SAMD5: variants seen among roughly 807,000 people sequenced by gnomAD.
SAMD5 encodes the protein sterile alpha motif domain containing 5.
In SAMD5, 13 loss-of-function variants were observed where a neutral mutation model predicts 11.3. That is an observed-to-expected ratio of 1.15 (90% CI 0.75 to 1.83). The LOEUF is 1.83. SAMD5 is among the 40% of genes most tolerant of loss of function. The pLI is 0.00. For synonymous variants in SAMD5, 129 were observed against 111.3 expected (o/e 1.16, Z -1.00); for missense variants, 255 against 239.1 (o/e 1.07, Z -0.44).
intron 1 of SAMD5, among the ~76,000 whole-genome samples, chr6:147,723,802 T>G (rs1223558069): frequency 1.3e-5 from 2 of 152,230 alleles, no homozygotes; most frequent in Non-Finnish European, 2.9e-5. Context: ...TCAACTCACT[T>G]GGTTGCCTTG....
chr6:147,946,687 T>G, the SAMD5 span, among the ~76,000 whole-genome samples: 1 of 152,222 alleles, frequency 6.6e-6, no homozygotes, highest in Non-Finnish European at 1.5e-5. Context: ...GTGCACAGTT[T>G]CTGCGCTATT....
the SAMD5 span, among the ~76,000 whole-genome samples, chr6:147,768,855 A>T: frequency 1.3e-5 from 2 of 152,040 alleles, no homozygotes; most frequent in African/African-American, 2.4e-5. Context: ...GTGCAGTGGC[A>T]CCATCTCAGC....
At chr6:147,517,921 T>C (rs1788196865) in intron 1 of SAMD5, among the ~76,000 whole-genome samples, 2 of 152,214 alleles carry the variant, frequency 1.3e-5, no homozygotes, top group South Asian at 4.2e-4. Flanking sequence ...GATTTTATGA[T>C]ACTTATACTC....
the SAMD5 span, among the ~76,000 whole-genome samples, chr6:147,849,866 C>T: frequency 3.3e-5 from 5 of 152,186 alleles, no homozygotes; most frequent in Non-Finnish European, 5.9e-5. Context: ...TTGAAGACAA[C>T]GTCTGCATGC....
At chr6:147,684,986 TTTCTC>T (rs1327453253) in intron 1 of SAMD5, among the ~76,000 whole-genome samples, 1 of 152,180 alleles carries the variant, frequency 6.6e-6, no homozygotes. Context: ...ATTAAAATGT[TTTCTC>T]TTTCTTTGTA....
Position 147,565,388 on chromosome 6 carries a change from G to T in SAMD5, c.*932G>T. 1 of 985,642 alleles carries T rather than the reference G, an allele frequency of 1.0e-6. No individual in the cohort carries two copies. Among genetic ancestry groups the T allele is most frequent in the Non-Finnish European group, 1.2e-6 (1 of 829,774 alleles). The allele number at this position is 985,642 out of a possible 1,614,324, so 61.1% of individuals were successfully genotyped here. A position where few individuals can be genotyped will look rare whatever the true frequency, so the allele number is the denominator to read the frequency against. Reference sequence around the variant, plus strand: ...CTGAAAAAGAAAGTAGATTGAGGTGGGGGGAGGAAATTAACAGGAATCTAG... The same window carrying T: ...CTGAAAAAGAAAGTAGATTGAGGTGTGGGGAGGAAATTAACAGGAATCTAG... On this transcript the variant is annotated 3_prime_UTR_variant, in exon 2 of 2. Transcript: ENST00000367474.
rs1420078894 is a variant in SAMD5, at chr6:147,539,458, C to T, written c.460-24936C>T. ...TACACACCAAAGTTCTTTCATAATG[C>T]GAAGTAATTTCTGATACCCCCAAAA... On this transcript the variant is annotated intron_variant, in intron 1 of 1. Coordinates refer to ENST00000367474, the MANE Select transcript of SAMD5 (RefSeq NM_001030060.3). 2.6e-5 allele frequency among the ~76,000 whole-genome samples: 4 copies of T among 152,026 alleles called. No homozygotes were observed. The East Asian group carries it at 5.8e-4, about 22-fold the overall frequency.
chr6:147,564,296 C>T (rs1042255217), intron 1 of SAMD5, 98 bp from the exon 2 acceptor site: 1 of 730,510 alleles, frequency 1.4e-6, no homozygotes, highest in African/African-American at 1.7e-5. Flanking sequence ...CAGAAAGGGA[C>T]AAGAATGACT....
chr6:147,652,698 C>G (rs1443023423), intron 1 of SAMD5, among the ~76,000 whole-genome samples: 1 of 152,202 alleles, frequency 6.6e-6, no homozygotes, highest in African/African-American at 2.4e-5. Flanking sequence ...TTCCTGGCAA[C>G]TCTAACAGTT....
chr6:147,674,687 T>C (rs1032797935), intron 1 of SAMD5, among the ~76,000 whole-genome samples: 10 of 152,210 alleles, frequency 6.6e-5, no homozygotes, highest in Non-Finnish European at 1.3e-4. Flanking sequence ...CCCTGACAGA[T>C]GTGCTATCAT....
chr6:147,667,964 T>TTGCCA (rs1184036689), intron 1 of SAMD5, among the ~76,000 whole-genome samples: 2 of 152,204 alleles, frequency 1.3e-5, no homozygotes, highest in Non-Finnish European at 1.5e-5. Context: ...AAAAATATAC[T>TTGCCA]TGCCATAGGC....
chr6:147,779,166 T>TAC, the SAMD5 span, among the ~76,000 whole-genome samples: 4 of 152,078 alleles, frequency 2.6e-5, no homozygotes, highest in Non-Finnish European at 5.9e-5. Flanking sequence ...CCTACACATA[T>TAC]ACACACACAC....
intron 1 of SAMD5, among the ~76,000 whole-genome samples, chr6:147,596,869 C>T (rs1410964323): frequency 6.6e-6 from 1 of 152,156 alleles, no homozygotes; most frequent in Non-Finnish European, 1.5e-5. Flanking sequence ...CCAGTTGCAC[C>T]AGCTGATGGT....
At chr6:147,877,053 T>A in the SAMD5 span, among the ~76,000 whole-genome samples, 1 of 150,356 alleles carries the variant, frequency 6.7e-6, no homozygotes, top group South Asian at 2.1e-4. Context: ...ATGAAATTCT[T>A]TTTTCCCAAC....
chr6:147,635,185 T>C (rs1260953790), intron 1 of SAMD5, among the ~76,000 whole-genome samples: 1 of 152,082 alleles, frequency 6.6e-6, no homozygotes, highest in Non-Finnish European at 1.5e-5. Flanking sequence ...ACTGAGACTT[T>C]CTGTAACTTG....
chr6:147,824,515 C>T, the SAMD5 span, among the ~76,000 whole-genome samples: 1 of 152,078 alleles, frequency 6.6e-6, no homozygotes, highest in African/African-American at 2.4e-5. Flanking sequence ...CCTCAGCGCT[C>T]CTTGATGTGC....
chr6:147,601,187 T>A (rs915659737), intron 1 of SAMD5, among the ~76,000 whole-genome samples: 1 of 152,190 alleles, frequency 6.6e-6, no homozygotes, highest in African/African-American at 2.4e-5. Context: ...TTATTCTCCA[T>A]CAGTGTGGTG....
chr6:147,849,112 C>A, the SAMD5 span, among the ~76,000 whole-genome samples: 1 of 151,188 alleles, frequency 6.6e-6, no homozygotes, highest in Non-Finnish European at 1.5e-5. Flanking sequence ...TTTGGATAAG[C>A]CAAAGGTGTA....
chr6:147,586,698 A>G (rs1292249480), intron 1 of SAMD5, among the ~76,000 whole-genome samples: 1 of 151,624 alleles, frequency 6.6e-6, no homozygotes, highest in Non-Finnish European at 1.5e-5. Context: ...AAAGATATAA[A>G]TAATATAAAG....
Sources: allele counts gnomAD v4.1 joint callset (sites outside exome capture counted in the v4.1 genomes callset), GRCh38; gene constraint gnomAD v4.1.1; transcripts MANE v1.5; gene names NCBI Gene and HGNC (gene_info 2026-07-23, HGNC 2026-07-21).